Variants in FDX1 observed in about 807,000 individuals in gnomAD.
FDX1 encodes the protein ferredoxin 1, also known as adrenodoxin, mitochondrial.
FDX1 carries 9 observed loss-of-function variants against 14.9 expected under a neutral mutation model. That is an observed-to-expected ratio of 0.60 (90% CI 0.36 to 1.05). The LOEUF (loss-of-function observed/expected upper bound fraction) is 1.05. Among genes scored for constraint, FDX1 ranks in the 50% least tolerant of loss-of-function variants. The probability of loss-of-function intolerance (pLI) is 0.01; values close to 1 mark genes in which losing one functional copy is unlikely to be tolerated. For missense variants in FDX1, 204 were observed against 237.2 expected, an observed-to-expected ratio of 0.86 and a Z score of 0.92; for synonymous variants, 92 against 99.4, an observed-to-expected ratio of 0.93 and a Z score of 0.44.
chr11:110,456,701 G>A (rs778427971), intron 2 of FDX1, among the ~76,000 whole-genome samples: 7 of 151,812 alleles, frequency 4.6e-5, no homozygotes, highest in Non-Finnish European at 7.4e-5. Flanking sequence ...GTAAAGACGG[G>A]ATTTCACTAT....
chr11:110,449,379 G>T (rs750716550), intron 2 of FDX1, among the ~76,000 whole-genome samples: 1 of 152,140 alleles, frequency 6.6e-6, no homozygotes, highest in Non-Finnish European at 1.5e-5. Context: ...CTGTGCTAAG[G>T]CATGAAGTAT....
At chr11:110,430,516 G>C (rs1463932100) in intron 1 of FDX1, among the ~76,000 whole-genome samples, 1 of 152,202 alleles carries the variant, frequency 6.6e-6, no homozygotes, top group Non-Finnish European at 1.5e-5. Flanking sequence ...TCGCACCGCA[G>C]AGTTCCTTTC....
intron 2 of FDX1, among the ~76,000 whole-genome samples, chr11:110,439,439 C>T (rs1461104833): frequency 2.0e-5 from 3 of 152,198 alleles, no homozygotes; most frequent in Middle Eastern, 6.8e-3. Flanking sequence ...GAACTCCTGA[C>T]CTCATGATCT....
chr11:110,450,940 A>G (rs1047090334), intron 2 of FDX1, among the ~76,000 whole-genome samples: 9 of 152,196 alleles, frequency 5.9e-5, no homozygotes, highest in Non-Finnish European at 1.0e-4. Flanking sequence ...GGCTGTGTAT[A>G]TAATAAGTTA....
rs754755113 is a variant in FDX1, at chr11:110,435,817, A to T, written c.186-17A>T. The T allele has an allele frequency of 6.3e-7, 1 of 1,575,542 alleles. No homozygotes were observed. On this transcript the variant is annotated splice_polypyrimidine_tract_variant and intron_variant, in intron 1 of 3. Transcript: ENST00000260270. Reference sequence around the variant, plus strand: ...TTGAAATTACTAAAAATACTAAAGGACTGTTTTTTTTTCCAGCTCAGAAGA... The same window carrying T: ...TTGAAATTACTAAAAATACTAAAGGTCTGTTTTTTTTTCCAGCTCAGAAGA...
chr11:110,443,855 C>T (rs1946421055), intron 2 of FDX1, among the ~76,000 whole-genome samples: 1 of 151,014 alleles, frequency 6.6e-6, no homozygotes, highest in South Asian at 2.1e-4. Flanking sequence ...TTGTTGGCTG[C>T]TTGTATGGCT....
chr11:110,441,730 A>G (rs2083768), intron 2 of FDX1, among the ~76,000 whole-genome samples: 46,085 of 152,008 alleles, frequency 0.3, 7,191 homozygotes, highest in East Asian at 0.38. Flanking sequence ...GATAGAAAAG[A>G]AAACCCCATT....
At chr11:110,444,873 A>G (rs1440732339) in intron 2 of FDX1, among the ~76,000 whole-genome samples, 1 of 150,656 alleles carries the variant, frequency 6.6e-6, no homozygotes, top group Admixed American at 6.6e-5. Flanking sequence ...TGCTGCTTCA[A>G]TGAAAGTTGC....
At chr11:110,435,985 C>T in intron 2 of FDX1, 27 bp downstream of exon 2, 3 of 1,579,138 alleles carry the variant, frequency 1.9e-6, no homozygotes, top group Non-Finnish European at 2.6e-6. Context: ...TCTTAAAATG[C>T]ATAAGTGAAA....
chr11:110,447,244 A>G (rs1378648922), intron 2 of FDX1, among the ~76,000 whole-genome samples: 4 of 145,952 alleles, frequency 2.7e-5, no homozygotes, highest in Non-Finnish European at 4.5e-5. Flanking sequence ...CCTGGCCAAC[A>G]TAATGAAACC....
intron 1 of FDX1, among the ~76,000 whole-genome samples, chr11:110,434,725 GTT>G (rs56907322): frequency 0.017 from 1,765 of 105,762 alleles, 57 homozygotes; most frequent in African/African-American, 0.056. Context: ...GACTTTTTTT[GTT>G]TTTTTTTTTT....
Position 110,436,052 on chromosome 11 carries a change from T to C in FDX1, c.310+94T>C, listed in dbSNP as rs748391161. On this transcript the variant is annotated intron_variant, in intron 2 of 3. Transcript: ENST00000260270. ...TTTTTTTTTGAAGAAGTTTAACCTA[T>C]AGCATGCTATGTAAAATATTAACAT... The C allele has an allele frequency of 4.8e-6, 5 of 1,031,256 alleles. No individual in the cohort carries two copies. The South Asian group carries it at 7.0e-5, about 14-fold the overall frequency. 63.9% of individuals were successfully genotyped at this position (1,031,256 alleles called of 1,614,324 possible). A position where few individuals can be genotyped will look rare whatever the true frequency, so the allele number is the denominator to read the frequency against.
intron 1 of FDX1, among the ~76,000 whole-genome samples, chr11:110,433,489 G>C (rs1311177490): frequency 6.6e-6 from 1 of 152,042 alleles, no homozygotes; most frequent in African/African-American, 2.4e-5. Context: ...AAACCTTTTG[G>C]TCTACCTCCT....
intron 1 of FDX1, among the ~76,000 whole-genome samples, chr11:110,431,784 G>A (rs1293095523): frequency 6.6e-6 from 1 of 152,148 alleles, no homozygotes; most frequent in East Asian, 1.9e-4. Context: ...TTAAAGGGGA[G>A]CACGTCTATT....
intron 2 of FDX1, among the ~76,000 whole-genome samples, chr11:110,443,900 AT>A (rs897597479): frequency 6.0e-5 from 9 of 149,842 alleles, no homozygotes; most frequent in African/African-American, 2.0e-4. Context: ...TCCTTTGCCT[AT>A]TTTTTTAATG....
intron 1 of FDX1, among the ~76,000 whole-genome samples, chr11:110,434,334 A>ATT (rs1555068018): frequency 1.6e-5 from 2 of 126,382 alleles, no homozygotes; most frequent in Non-Finnish European, 3.3e-5. Context: ...CGCCCTATTG[A>ATT]TTTTTTTTTT....
At chr11:110,446,874 C>A (rs182699712) in intron 2 of FDX1, among the ~76,000 whole-genome samples, 1 of 152,296 alleles carries the variant, frequency 6.6e-6, no homozygotes, top group East Asian at 1.9e-4. Flanking sequence ...ATGTCAGTCC[C>A]CTGATTAAAA....
At chr11:110,437,195 C>T (rs149412863) in intron 2 of FDX1, among the ~76,000 whole-genome samples, 44 of 152,262 alleles carry the variant, frequency 2.9e-4, no homozygotes, top group African/African-American at 1.0e-3. Flanking sequence ...TGTTTTGCCA[C>T]ATTGCCCAGC....
chr11:110,445,408 T>G (rs1259260010), intron 2 of FDX1, among the ~76,000 whole-genome samples: 1 of 152,204 alleles, frequency 6.6e-6, no homozygotes, highest in Non-Finnish European at 1.5e-5. Flanking sequence ...CAGTACAGTT[T>G]TTTTTAAACC....
Sources: allele counts gnomAD v4.1 joint callset (sites outside exome capture counted in the v4.1 genomes callset), GRCh38; gene constraint gnomAD v4.1.1; transcripts MANE v1.5; gene names NCBI Gene and HGNC (gene_info 2026-07-23, HGNC 2026-07-21).